STK32B: variants seen among roughly 807,000 people sequenced by gnomAD.
STK32B encodes serine/threonine kinase 32B, also known as serine/threonine-protein kinase 32B.
STK32B carries 43 observed loss-of-function variants against 52.6 expected under a neutral mutation model. That is an observed-to-expected ratio of 0.82 (90% CI 0.64 to 1.05). The LOEUF (loss-of-function observed/expected upper bound fraction) is 1.05, where lower values mean the gene tolerates loss of function less well. Ranked by LOEUF, STK32B falls within the 50% of genes least tolerant of loss-of-function variation. STK32B has a pLI of 0.00. For synonymous variants in STK32B, 238 were observed against 204.3 expected (o/e 1.17, Z -1.41); for missense variants, 621 against 534.6 (o/e 1.16, Z -1.59).
intron 3 of STK32B, among the ~76,000 whole-genome samples, chr4:5,289,212 GGTAA>G (rs541076801): frequency 2.8e-3 from 432 of 152,220 alleles, no homozygotes; most frequent in African/African-American, 9.1e-3. Flanking sequence ...GTAACACAAT[GGTAA>G]GTATTTATGT....
Position 5,467,332 on chromosome 4 carries a change from G to T in STK32B, c.1041+498G>T, listed in dbSNP as rs553342041. 6.6e-6 allele frequency among the ~76,000 whole-genome samples: 1 copy of T among 152,178 alleles called. No homozygotes were observed. The highest frequency in any genetic ancestry group is 6.5e-5 in the Admixed American group (1 of 15,286). On this transcript the variant is annotated intron_variant, in intron 10 of 11. Coordinates refer to ENST00000282908, the MANE Select transcript of STK32B (RefSeq NM_018401.3). This position sits in a 1 kb window ranked among gnomAD's most constrained non-coding sequence, Gnocchi z 5.8. ...CTCCAAAGGCTATAGGGGAGGGGCC[G>T]TCCTTGGCTCCCCAGGCTTCGAGTG...
chr4:5,293,150 C>T (rs1439668591), intron 3 of STK32B, among the ~76,000 whole-genome samples: 1 of 152,048 alleles, frequency 6.6e-6, no homozygotes, highest in African/African-American at 2.4e-5. Flanking sequence ...AATAGTATTC[C>T]ATGGTGTATA....
intron 1 of STK32B, among the ~76,000 whole-genome samples, chr4:5,099,692 A>G (rs1302294572): frequency 1.3e-5 from 2 of 152,152 alleles, no homozygotes; most frequent in Non-Finnish European, 2.9e-5. Flanking sequence ...GGCAGGGGAA[A>G]TATCCCAGAA....
Position 5,259,973 on chromosome 4 carries a change from A to G in STK32B, c.261-71247A>G, listed in dbSNP as rs117172646. On this transcript the variant is annotated intron_variant, in intron 3 of 11. Transcript: ENST00000282908. ...AAGAGTTTCCACACTGAGGAGCATA[A>G]GTGTGCAGAGCTAGGGGAATCTTCC... Among the ~76,000 whole-genome samples the G allele has an allele frequency of 8.5e-5, 13 of 152,054 alleles. No individual in the cohort carries two copies. The East Asian group carries it at 2.5e-3, about 29-fold the overall frequency.
chr4:5,055,188 C>A (rs1472850160), intron 1 of STK32B, among the ~76,000 whole-genome samples: 1 of 152,000 alleles, frequency 6.6e-6, no homozygotes, highest in Non-Finnish European at 1.5e-5. Flanking sequence ...TTCCCAGGCT[C>A]AAGGGGTCCT....
chr4:5,229,714 T>C (rs1222563817), intron 3 of STK32B, among the ~76,000 whole-genome samples: 1 of 152,174 alleles, frequency 6.6e-6, no homozygotes, highest in East Asian at 1.9e-4. Context: ...TTTAGGCAAA[T>C]TTAAAATTAT....
chr4:5,457,217 T>C (rs868095188), intron 8 of STK32B, among the ~76,000 whole-genome samples: 3,255 of 147,326 alleles, frequency 0.022, 113 homozygotes, highest in African/African-American at 0.075. Context: ...TTTTTCTTTT[T>C]TTTTTTTTTT....
chr4:5,078,295 T>C (rs1312460079), intron 1 of STK32B, among the ~76,000 whole-genome samples: 1 of 152,174 alleles, frequency 6.6e-6, no homozygotes, highest in African/African-American at 2.4e-5. Flanking sequence ...CAACAAGGAT[T>C]CACTCTCTAG....
chr4:5,299,833 T>A (rs1729439949), intron 3 of STK32B, among the ~76,000 whole-genome samples: 1 of 152,186 alleles, frequency 6.6e-6, no homozygotes, highest in South Asian at 2.1e-4. Context: ...CTGGACCAGA[T>A]GGATTAACAG....
chr4:5,175,111 C>T (rs1382025237), intron 3 of STK32B, among the ~76,000 whole-genome samples: 3 of 152,228 alleles, frequency 2.0e-5, no homozygotes, highest in African/African-American at 4.8e-5. Flanking sequence ...GAGGCTTGTG[C>T]ATTCGTCACG....
intron 3 of STK32B, among the ~76,000 whole-genome samples, chr4:5,235,591 G>A (rs757002798): frequency 1.1e-4 from 16 of 152,172 alleles, no homozygotes; most frequent in Non-Finnish European, 2.1e-4. Context: ...TATCAGAAAT[G>A]TGCCTATCTT....
At chr4:5,350,407 C>T (rs1733750340) in intron 4 of STK32B, among the ~76,000 whole-genome samples, 1 of 151,982 alleles carries the variant, frequency 6.6e-6, no homozygotes, top group Non-Finnish European at 1.5e-5. Flanking sequence ...ACAAGAAATG[C>T]TTGAGGGAAC....
At position 5,317,298 on chromosome 4, in the gene STK32B, A is replaced by ATATAACATATAACATATG. The variant is rs1560313723; in HGVS notation, c.261-13917_261-13916insCATATAACATATGTATAA. Among the ~76,000 whole-genome samples the ATATAACATATAACATATG allele has an allele frequency of 3.0e-4, 15 of 50,254 alleles. 1 individual carries two copies. The highest frequency in any genetic ancestry group is 2.1e-3 in the South Asian group (4 of 1,924). The allele number at this position is 50,254 out of a possible 152,430, so 33.0% of individuals were successfully genotyped here. On this transcript the variant is annotated intron_variant, in intron 3 of 11. Coordinates refer to ENST00000282908, the MANE Select transcript of STK32B (RefSeq NM_018401.3). ...ATATAACATATAACATATATATAAT[A>ATATAACATATAACATATG]TATAATATATAACATATGTATAATA...
chr4:5,309,250 A>C (rs1179117008), intron 3 of STK32B, among the ~76,000 whole-genome samples: 1 of 152,174 alleles, frequency 6.6e-6, no homozygotes, highest in African/African-American at 2.4e-5. Context: ...GAAGACACAG[A>C]AAAATGGAAA....
intron 3 of STK32B, among the ~76,000 whole-genome samples, chr4:5,285,373 C>T (rs984523075): frequency 6.6e-6 from 1 of 151,972 alleles, no homozygotes; most frequent in African/African-American, 2.4e-5. Context: ...ACATTCTGAA[C>T]TTACTAAAGA....
At chr4:5,281,919 C>A (rs941344554) in intron 3 of STK32B, among the ~76,000 whole-genome samples, 1 of 151,842 alleles carries the variant, frequency 6.6e-6, no homozygotes, top group Non-Finnish European at 1.5e-5. Context: ...TTTTTCTATT[C>A]TTTGAAATAT....
intron 3 of STK32B, among the ~76,000 whole-genome samples, chr4:5,311,366 C>A (rs568317248): frequency 1.3e-5 from 2 of 151,746 alleles, no homozygotes; most frequent in Non-Finnish European, 2.9e-5. Context: ...TACTGTGGGT[C>A]AATTAAACAT....
At chr4:5,196,999 G>T (rs1241551770) in intron 3 of STK32B, among the ~76,000 whole-genome samples, 4 of 152,142 alleles carry the variant, frequency 2.6e-5, no homozygotes, top group Non-Finnish European at 5.9e-5. Flanking sequence ...AGCCTGCCAG[G>T]ACCTCAGTTG....
chr4:5,237,091 G>A lies in STK32B; in HGVS notation c.260+68641G>A, dbSNP rs562044038. Among the ~76,000 whole-genome samples the A allele has an allele frequency of 3.3e-5, 5 of 152,282 alleles. No homozygotes were observed. The South Asian group carries it at 1.0e-3, about 32-fold the overall frequency. ...GGCACACGGAGAAAAAAGATTATCT[G>A]GAGCCTCAAGGAGTTTGCCAGGTGG... On this transcript the variant is annotated intron_variant, in intron 3 of 11. Coordinates refer to ENST00000282908, the MANE Select transcript of STK32B (RefSeq NM_018401.3).
Sources: allele counts gnomAD v4.1 joint callset (sites outside exome capture counted in the v4.1 genomes callset), GRCh38; gene constraint gnomAD v4.1.1; non-coding constraint Gnocchi (gnomAD v3.1); transcripts MANE v1.5; gene names NCBI Gene and HGNC (gene_info 2026-07-23, HGNC 2026-07-21).